PUM2: variants seen among roughly 807,000 people sequenced by gnomAD.
PUM2 encodes the protein pumilio RNA binding family member 2, also known as pumilio homolog 2.
In PUM2, 57 loss-of-function variants were observed where a neutral mutation model predicts 124.5. That is an observed-to-expected ratio of 0.46 (90% CI 0.37 to 0.57). PUM2 has a LOEUF of 0.57. Ranked by LOEUF, PUM2 falls within the 20% of genes least tolerant of loss-of-function variation. PUM2 has a pLI of 0.00. For synonymous variants in PUM2, 460 were observed against 446.1 expected (o/e 1.03, Z -0.39); for missense variants, 1,065 against 1,290.6 (o/e 0.83, Z 2.68).
chr2:20,347,655 T>C (rs138052089), intron 1 of PUM2, among the ~76,000 whole-genome samples: 9 of 152,370 alleles, frequency 5.9e-5, no homozygotes, highest in South Asian at 2.1e-4. Context: ...CACAACAGAA[T>C]TCCGAACTGA....
chr2:20,261,842 A>G (rs1375388812), intron 14 of PUM2, among the ~76,000 whole-genome samples: 1 of 152,222 alleles, frequency 6.6e-6, no homozygotes, highest in Admixed American at 6.5e-5. Flanking sequence ...GCTAAGTGTT[A>G]TTACAAGTCA....
intron 20 of PUM2, among the ~76,000 whole-genome samples, chr2:20,252,544 T>C (rs1006477253): frequency 2.6e-5 from 4 of 152,382 alleles, no homozygotes; most frequent in African/African-American, 7.2e-5. Context: ...AAAGGGGTTA[T>C]GTAATTCATG....
intron 3 of PUM2, among the ~76,000 whole-genome samples, chr2:20,314,933 C>A (rs1466064958): frequency 6.7e-6 from 1 of 148,230 alleles, no homozygotes; most frequent in Non-Finnish European, 1.5e-5. Context: ...GAAAGATGGG[C>A]ATTCAAGTCT....
chr2:20,254,070 T>G (rs1664169132), intron 19 of PUM2, 56 bp from the exon 20 acceptor site: 3 of 1,459,076 alleles, frequency 2.1e-6, no homozygotes, highest in African/African-American at 1.4e-5. Flanking sequence ...ACAGCAAAAT[T>G]TCCTTGACTT....
intron 9 of PUM2, among the ~76,000 whole-genome samples, chr2:20,292,522 T>C (rs13034815): frequency 6.6e-6 from 1 of 152,072 alleles, no homozygotes; most frequent in Admixed American, 6.5e-5. Context: ...GCCACCACGC[T>C]TGGCTAAGTT....
intron 1 of PUM2, among the ~76,000 whole-genome samples, chr2:20,329,879 G>A (rs987800801): frequency 1.3e-5 from 2 of 152,030 alleles, no homozygotes; most frequent in African/African-American, 4.8e-5. Context: ...CATGTAACTG[G>A]AGTTCCAGGA....
At chr2:20,300,225 C>T (rs1676639289) in intron 7 of PUM2, among the ~76,000 whole-genome samples, 1 of 152,068 alleles carries the variant, frequency 6.6e-6, no homozygotes, top group Admixed American at 6.5e-5. Flanking sequence ...TCTTGGCTCA[C>T]CACAACCTCC....
chr2:20,258,262 G>T lies in PUM2; in HGVS notation c.2465C>A (p.Ser822Tyr). The change falls in exon 16 of 21, where the codon TCT becomes TAT. Residue 822 changes from serine (S) to tyrosine (Y), a missense_variant. Ser to Tyr is a moderately radical substitution (Grantham distance 144, BLOSUM62 -2). This residue lies in a region of PUM2 where 968 missense variants were observed against 1,159.8 expected (regional missense o/e 0.83). Coordinates refer to ENST00000361078, the MANE Select transcript of PUM2 (RefSeq NM_015317.5). ...AATTACCTGCTGGTCAGAAGAAATA[G>T]ATTCTAATGCTTTCTGAATAACGCG... ...GCRVIQKALE[S>Y]ISSDQQSEMV... 6.2e-7 allele frequency: 1 copy of T among 1,600,428 alleles called. No homozygotes were observed. Among genetic ancestry groups the T allele is most frequent in the Non-Finnish European group, 8.5e-7 (1 of 1,172,010 alleles).
intron 7 of PUM2, 151 bp from the exon 8 acceptor site, chr2:20,297,829 G>A: frequency 1.4e-6 from 1 of 690,222 alleles, no homozygotes; most frequent in Non-Finnish European, 2.3e-6. Flanking sequence ...GTGACCTTGG[G>A]CATGTACCGC....
chr2:20,344,270 G>A (rs539005928), intron 1 of PUM2, among the ~76,000 whole-genome samples: 2 of 152,156 alleles, frequency 1.3e-5, no homozygotes, highest in South Asian at 2.1e-4. Context: ...GTTTCACCAC[G>A]TTGCCCAGGC....
chr2:20,311,023 T>C (rs1679473544), intron 5 of PUM2, among the ~76,000 whole-genome samples: 1 of 152,068 alleles, frequency 6.6e-6, no homozygotes, highest in South Asian at 2.1e-4. Context: ...CACAAACTCA[T>C]ATATTTTAAG....
In PUM2 at chr2:20,311,701, T is replaced by C. The variant is rs766120140; in HGVS notation, c.349-38A>G. On this transcript the variant is annotated intron_variant, in intron 4 of 20. Transcript: ENST00000361078. ...AATCTGTTTGATTCTGAATATTTAA[T>C]AGAACACAAAAAAAAGGCACCATAA... 39 of 1,586,114 alleles carry C rather than the reference T, an allele frequency of 2.5e-5. 1 individual carries two copies. In the South Asian group the frequency reaches 3.6e-4, roughly 15 times the overall value.
intron 7 of PUM2, among the ~76,000 whole-genome samples, chr2:20,300,184 T>C (rs565652773): frequency 1.3e-5 from 2 of 152,014 alleles, no homozygotes; most frequent in East Asian, 3.9e-4. Context: ...AGTTTCGCTC[T>C]TGTTGCCCAG....
intron 15 of PUM2, among the ~76,000 whole-genome samples, chr2:20,259,551 G>T (rs1665664208): frequency 6.6e-6 from 1 of 152,134 alleles, no homozygotes; most frequent in Non-Finnish European, 1.5e-5. Context: ...TTTTGTGTGT[G>T]GCTTGTTTCA....
At position 20,282,957 on chromosome 2, in the gene PUM2, A is replaced by T. The variant is rs1671870854; in HGVS notation, c.1710T>A (p.Phe570Leu). The change falls in exon 12 of 21, where the codon TTT (phenylalanine) becomes TTA (leucine). Residue 570 changes from phenylalanine (F) to leucine (L), a missense_variant. Phe to Leu is a conservative substitution (Grantham distance 22, BLOSUM62 0). Around this residue, in one of 3 missense-constraint regions of PUM2, gnomAD observed 968 missense variants for 1,159.8 expected, o/e 0.83. Coordinates refer to ENST00000361078, the MANE Select transcript of PUM2 (RefSeq NM_015317.5). ...TAAAAACAAACTTACCTGATGAACC[A>T]AATCCACTGAGGGCTGAGCCTATAG... ...GAAIGSALSG[F>L]GSSVGSSASS... 2 of 1,613,188 alleles carry T rather than the reference A, an allele frequency of 1.2e-6. No homozygotes were observed. The highest frequency in any genetic ancestry group is 1.1e-5 in the South Asian group (1 of 90,996).
At chr2:20,278,194 C>T (rs1018204264) in intron 13 of PUM2, among the ~76,000 whole-genome samples, 4 of 152,080 alleles carry the variant, frequency 2.6e-5, no homozygotes, top group Non-Finnish European at 5.9e-5. Flanking sequence ...AGTGTACTAA[C>T]CTAGTTCAGT....
intron 1 of PUM2, among the ~76,000 whole-genome samples, chr2:20,345,547 A>C (rs540132434): frequency 2.6e-5 from 4 of 152,230 alleles, no homozygotes; most frequent in Non-Finnish European, 5.9e-5. Context: ...ATCTAAGGAC[A>C]GTGTGGCACG....
chr2:20,257,103 C>T (rs545359499), intron 16 of PUM2, among the ~76,000 whole-genome samples: 2 of 135,076 alleles, frequency 1.5e-5, no homozygotes, highest in South Asian at 5.2e-4. Flanking sequence ...TATTCATTAA[C>T]TGTTTCAACA....
In PUM2 at chr2:20,310,446, T is replaced by C. The variant is rs530073817; in HGVS notation, c.518+1048A>G. Reference sequence around the variant, plus strand: ...GGTGTATTAACACTTCAATTATAAATGTATACTCTGAAGGGTTTATCATCT... The same window carrying C: ...GGTGTATTAACACTTCAATTATAAACGTATACTCTGAAGGGTTTATCATCT... On this transcript the variant is annotated intron_variant, in intron 5 of 20. Coordinates refer to ENST00000361078, the MANE Select transcript of PUM2 (RefSeq NM_015317.5). 2.0e-4 allele frequency among the ~76,000 whole-genome samples: 30 copies of C among 152,202 alleles called. No homozygotes were observed. The East Asian group carries it at 5.6e-3, about 28-fold the overall frequency.
Sources: allele counts gnomAD v4.1 joint callset (sites outside exome capture counted in the v4.1 genomes callset), GRCh38; gene constraint gnomAD v4.1.1; regional missense constraint gnomAD v4.1.1; transcripts MANE v1.5; gene names NCBI Gene and HGNC (gene_info 2026-07-23, HGNC 2026-07-21).